The following LRP2 variants were observed in gnomAD, a reference collection of about 807,000 sequenced individuals.
LRP2 encodes the protein low-density lipoprotein receptor-related protein 2.
A neutral mutation model predicts 531.0 loss-of-function variants in LRP2; 172 were observed. The ratio of observed to expected loss-of-function variants is 0.32; its 90% CI spans 0.29 to 0.37. The LOEUF (loss-of-function observed/expected upper bound fraction) is 0.37, where lower values mean the gene tolerates loss of function less well. Among genes scored for constraint, LRP2 ranks in the 10% least tolerant of loss-of-function variants. The probability of loss-of-function intolerance (pLI) is 1.00; values close to 1 mark genes in which losing one functional copy is unlikely to be tolerated. For missense variants in LRP2, 5,167 were observed against 5,868.3 expected (o/e 0.88, Z 3.90); for synonymous variants, 1,992 against 2,027.6 (o/e 0.98, Z 0.47).
chr2:169,344,278 A>G (rs965201513), intron 1 of LRP2, among the ~76,000 whole-genome samples: 2 of 151,010 alleles, frequency 1.3e-5, no homozygotes, highest in Non-Finnish European at 3.0e-5. Flanking sequence ...TAGCCCCCCA[A>G]CCCCCAGCAG....
intron 16 of LRP2, among the ~76,000 whole-genome samples, chr2:169,270,553 C>A (rs1683379333): frequency 1.4e-5 from 2 of 144,664 alleles, no homozygotes; most frequent in Admixed American, 7.3e-5. Flanking sequence ...GGGAATTGAA[C>A]AATGAGCACA....
intron 1 of LRP2, among the ~76,000 whole-genome samples, chr2:169,334,855 C>A (rs1344119963): frequency 6.6e-6 from 1 of 152,198 alleles, no homozygotes; most frequent in African/African-American, 2.4e-5. Flanking sequence ...TCCCTGTAAA[C>A]CTCTGGCACA....
At chr2:169,318,467 C>A (rs1036053090) in intron 3 of LRP2, among the ~76,000 whole-genome samples, 1 of 152,180 alleles carries the variant, frequency 6.6e-6, no homozygotes, top group Non-Finnish European at 1.5e-5. Context: ...TGAAGACACC[C>A]AGCTATACAC....
At chr2:169,262,972 C>T (rs1690631693) in intron 16 of LRP2, among the ~76,000 whole-genome samples, 1 of 151,970 alleles carries the variant, frequency 6.6e-6, no homozygotes, top group Admixed American at 6.6e-5. Flanking sequence ...CTTTGACAAA[C>T]CTGAGAAAAA....
At chr2:169,270,775 T>TAAATAAATAAAG in intron 16 of LRP2, 129 bp downstream of exon 16, 1 of 373,084 alleles carries the variant, frequency 2.7e-6, no homozygotes, top group Non-Finnish European at 4.7e-6. Context: ...AATAAATAAA[T>TAAATAAATAAAG]AAATAAATAA....
chr2:169,168,688 GAA>G lies in LRP2; in HGVS notation c.11498-14_11498-13del, dbSNP rs143342962. 3 of 1,613,676 alleles carry G rather than the reference GAA, an allele frequency of 1.9e-6. No homozygotes were observed. Among genetic ancestry groups the G allele is most frequent in the East Asian group, 2.2e-5 (1 of 44,876 alleles). On this transcript the variant is annotated splice_polypyrimidine_tract_variant and intron_variant, in intron 60 of 78. Transcript: ENST00000649046. ...AGGAAAGCGTGTGGCTGCCATGGGG[GAA>G]AAAAACATATTCAAATTATTATACA...
chr2:169,205,081 C>G (rs1426857321), intron 41 of LRP2, among the ~76,000 whole-genome samples: 4 of 149,360 alleles, frequency 2.7e-5, no homozygotes, highest in Non-Finnish European at 5.9e-5. Context: ...ACATTGAATG[C>G]TAAAGCCCAG....
intron 76 of LRP2, among the ~76,000 whole-genome samples, chr2:169,135,344 T>G (rs1252304979): frequency 6.6e-6 from 1 of 152,116 alleles, no homozygotes; most frequent in East Asian, 1.9e-4. Flanking sequence ...GTCAGGAAAC[T>G]AAAATACCTC....
intron 1 of LRP2, among the ~76,000 whole-genome samples, chr2:169,331,589 G>A (rs1361635145): frequency 1.3e-5 from 2 of 152,082 alleles, no homozygotes; most frequent in African/African-American, 4.8e-5. Context: ...GAGACTAACT[G>A]GTTATTTACA....
Position 169,280,643 on chromosome 2 carries a change from A to C in LRP2, c.1172-124T>G, listed in dbSNP as rs1683679419. The C allele has an allele frequency of 3.0e-5, 29 of 976,446 alleles. No individual in the cohort carries two copies. The South Asian group carries it at 3.6e-4, about 12-fold the overall frequency. 60.5% of individuals were successfully genotyped at this position (976,446 alleles called of 1,614,324 possible). A position where few individuals can be genotyped will look rare whatever the true frequency, so the allele number is the denominator to read the frequency against. The stretch of plus-strand genomic sequence containing the variant: ...TTCTAGGTTGTCTTACCTGATTTTA[A>C]CATAAACCTCTGAGGCAGACAGATA... On this transcript the variant is annotated intron_variant, in intron 10 of 78. Transcript: ENST00000649046.
chr2:169,331,981 A>G (rs1278338289), intron 1 of LRP2, among the ~76,000 whole-genome samples: 1 of 152,264 alleles, frequency 6.6e-6, no homozygotes. Flanking sequence ...ATGGTGTTTC[A>G]GACTAGCATT....
rs372343797 is a variant in LRP2, at chr2:169,347,098, A to G, written c.79+15223T>C. ...CTTTCCCTCTTTCATCCCCATTAAA[A>G]CATACCAGCTTTGTGTCTCCTTCTC... is the stretch of plus-strand genomic sequence containing the variant. On this transcript the variant is annotated intron_variant, in intron 1 of 78. Coordinates refer to ENST00000649046, the MANE Select transcript of LRP2 (RefSeq NM_004525.3). Among the ~76,000 whole-genome samples, 7 of 152,188 alleles carry G rather than the reference A, an allele frequency of 4.6e-5. No individual in the cohort carries two copies. The East Asian group carries it at 9.6e-4, about 21-fold the overall frequency.
chr2:169,218,009 T>C (rs1199856625), intron 34 of LRP2, among the ~76,000 whole-genome samples: 1 of 152,176 alleles, frequency 6.6e-6, no homozygotes, highest in African/African-American at 2.4e-5. Flanking sequence ...CAACATCCTC[T>C]CTTGAATATC....
At chr2:169,288,933 C>G in intron 9 of LRP2, 93 bp downstream of exon 9, 2 of 1,591,340 alleles carry the variant, frequency 1.3e-6, no homozygotes, top group Non-Finnish European at 1.7e-6. Flanking sequence ...CATGACGACT[C>G]TCCACAAGTG....
intron 3 of LRP2, among the ~76,000 whole-genome samples, chr2:169,308,583 T>C (rs979964963): frequency 6.6e-6 from 1 of 152,232 alleles, no homozygotes; most frequent in Admixed American, 6.5e-5. Context: ...TAGTATTCCA[T>C]GGTGTATATG....
chr2:169,266,920 C>A (rs1246696032), intron 16 of LRP2, among the ~76,000 whole-genome samples: 1 of 143,654 alleles, frequency 7.0e-6, no homozygotes, highest in African/African-American at 2.6e-5. Context: ...TAGGGTTGCA[C>A]TCTGTTGCCC....
At chr2:169,249,800 T>C (rs890636626) in intron 19 of LRP2, among the ~76,000 whole-genome samples, 1 of 26,392 alleles carries the variant, frequency 3.8e-5, no homozygotes, top group Non-Finnish European at 6.1e-5. Context: ...TTAAAGGAGC[T>C]GATGGAGCTG....
chr2:169,173,315 C>A (rs1460521694), intron 56 of LRP2, 91 bp from the exon 57 acceptor site: 5 of 1,512,254 alleles, frequency 3.3e-6, no homozygotes, highest in Admixed American at 1.8e-5. Context: ...TGAGGAATAA[C>A]AATGACCATG....
At chr2:169,361,734 C>G (rs1012460012) in intron 1 of LRP2, among the ~76,000 whole-genome samples, 4 of 152,238 alleles carry the variant, frequency 2.6e-5, no homozygotes, top group African/African-American at 7.2e-5. Context: ...ACTCCAGTCC[C>G]TCAGCCACTC....
Sources: gnomAD v4.1 joint callset for allele counts (sites outside exome capture counted in the v4.1 genomes callset) on GRCh38, gnomAD v4.1.1 for gene constraint, MANE v1.5 for transcripts, NCBI Gene and HGNC (gene_info 2026-07-23, HGNC 2026-07-21) for gene names.